The following GRID2 variants were observed in gnomAD, a reference collection of about 807,000 sequenced individuals.
The protein encoded by GRID2 is glutamate receptor ionotropic, delta-2.
GRID2 carries 33 observed loss-of-function variants against 114.8 expected under a neutral mutation model. The ratio of observed to expected loss-of-function variants is 0.29; its 90% CI spans 0.22 to 0.38. GRID2 has a LOEUF of 0.38. GRID2 is among the 10% of genes least tolerant of loss of function. GRID2 has a pLI of 1.00. For missense variants in GRID2, 1,184 were observed against 1,257.7 expected, an observed-to-expected ratio of 0.94 and a Z score of 0.89; for synonymous variants, 505 against 449.9, an observed-to-expected ratio of 1.12 and a Z score of -1.55.
At chr4:92,574,333 A>T (rs1240006745) in intron 1 of GRID2, among the ~76,000 whole-genome samples, 1 of 151,394 alleles carries the variant, frequency 6.6e-6, no homozygotes, top group African/African-American at 2.4e-5. Flanking sequence ...TGATCCTGTC[A>T]TCATGATGGT....
chr4:92,749,741 A>G (rs900697175), intron 2 of GRID2, among the ~76,000 whole-genome samples: 2 of 152,106 alleles, frequency 1.3e-5, no homozygotes, highest in Non-Finnish European at 2.9e-5. Context: ...AATGCTGAAG[A>G]GGGGTTGTTT....
At chr4:93,079,128 A>C (rs745689109) in intron 2 of GRID2, among the ~76,000 whole-genome samples, 1 of 151,524 alleles carries the variant, frequency 6.6e-6, no homozygotes, top group Non-Finnish European at 1.5e-5. Flanking sequence ...CATTTTTTAA[A>C]CTCCAAACAA....
At chr4:93,308,974 A>G (rs769844442) in intron 8 of GRID2, among the ~76,000 whole-genome samples, 2 of 152,210 alleles carry the variant, frequency 1.3e-5, no homozygotes, top group Non-Finnish European at 2.9e-5. Context: ...CAACAGCCAC[A>G]CTATCTAAAA....
At chr4:93,393,107 T>C (rs557197516) in intron 8 of GRID2, among the ~76,000 whole-genome samples, 2 of 152,038 alleles carry the variant, frequency 1.3e-5, no homozygotes, top group African/African-American at 4.8e-5. Flanking sequence ...GATAAGAGAA[T>C]GTACTTTATT....
At chr4:93,473,467 C>T (rs1221253490) in intron 11 of GRID2, among the ~76,000 whole-genome samples, 1 of 152,082 alleles carries the variant, frequency 6.6e-6, no homozygotes, top group Non-Finnish European at 1.5e-5. Flanking sequence ...CTTTACATTA[C>T]TGTGTCCCAC....
chr4:92,771,924 T>C (rs1459921705), intron 2 of GRID2, among the ~76,000 whole-genome samples: 1 of 152,074 alleles, frequency 6.6e-6, no homozygotes, highest in East Asian at 1.9e-4. Context: ...ACCACAAGGA[T>C]CAGGAAAATA....
chr4:93,115,858 C>T (rs946557192), intron 4 of GRID2, among the ~76,000 whole-genome samples: 1 of 152,082 alleles, frequency 6.6e-6, no homozygotes, highest in Non-Finnish European at 1.5e-5. Flanking sequence ...CCCCCAGGTC[C>T]CTCCTACAAC....
chr4:92,406,074 T>C (rs954050223), intron 1 of GRID2, among the ~76,000 whole-genome samples: 45 of 152,082 alleles, frequency 3.0e-4, no homozygotes, highest in African/African-American at 1.1e-3. Context: ...TTCACATTTT[T>C]CTTCCTGTTT....
At chr4:92,494,286 A>T (rs1044274534) in intron 1 of GRID2, among the ~76,000 whole-genome samples, 3 of 151,950 alleles carry the variant, frequency 2.0e-5, no homozygotes, top group African/African-American at 7.2e-5. Context: ...TCCTTTTTAT[A>T]AATTCCTAGA....
At chr4:93,763,827 C>T (rs1733411765) in intron 14 of GRID2, among the ~76,000 whole-genome samples, 1 of 152,076 alleles carries the variant, frequency 6.6e-6, no homozygotes, top group African/African-American at 2.4e-5. Flanking sequence ...TTCTAATTTC[C>T]TAGTAGAAAT....
intron 2 of GRID2, among the ~76,000 whole-genome samples, chr4:92,593,820 T>C (rs1728820068): frequency 2.0e-5 from 3 of 151,394 alleles, no homozygotes; most frequent in Non-Finnish European, 4.4e-5. Context: ...GGCAAATACA[T>C]TTTCAAACCT....
At position 92,724,648 on chromosome 4, in the gene GRID2, C is replaced by T. The variant is rs1312110403; in HGVS notation, c.244+134362C>T. On this transcript the variant is annotated intron_variant, in intron 2 of 15. Transcript: ENST00000282020. ...AGCACAAATGTGGTGTCTACTTCTA[C>T]CACTATTAACTGTAACACCTTGAAC... Among the ~76,000 whole-genome samples, 5 of 152,172 alleles carry T rather than the reference C, an allele frequency of 3.3e-5. No individual in the cohort carries two copies. The East Asian group carries it at 9.7e-4, about 29-fold the overall frequency.
intron 4 of GRID2, among the ~76,000 whole-genome samples, chr4:93,177,971 T>C (rs1050850750): frequency 1.3e-5 from 2 of 152,118 alleles, no homozygotes; most frequent in Non-Finnish European, 1.5e-5. Context: ...TTTTTAAACA[T>C]TGATTTTTCA....
intron 2 of GRID2, among the ~76,000 whole-genome samples, chr4:92,617,072 CCTCT>C (rs1435077420): frequency 1.3e-5 from 2 of 151,164 alleles, no homozygotes; most frequent in South Asian, 2.1e-4. Context: ...CATTCAATAT[CCTCT>C]CTCTCGTTAT....
At chr4:93,763,605 T>C (rs1733392158) in intron 14 of GRID2, among the ~76,000 whole-genome samples, 1 of 152,172 alleles carries the variant, frequency 6.6e-6, no homozygotes, top group African/African-American at 2.4e-5. Flanking sequence ...GAGAGAAATG[T>C]GCTGGAAGGC....
At chr4:92,486,486 A>T (rs1722892996) in intron 1 of GRID2, among the ~76,000 whole-genome samples, 1 of 151,634 alleles carries the variant, frequency 6.6e-6, no homozygotes, top group African/African-American at 2.4e-5. Flanking sequence ...ATGTTTGCTG[A>T]AATTTACATT....
chr4:93,159,206 T>C (rs555273497), intron 4 of GRID2, among the ~76,000 whole-genome samples: 1 of 151,870 alleles, frequency 6.6e-6, no homozygotes, highest in Admixed American at 6.6e-5. Flanking sequence ...ATTGTACTTG[T>C]ACTGGTCAAA....
chr4:92,593,400 C>T (rs1050316671), intron 2 of GRID2, among the ~76,000 whole-genome samples: 1 of 151,870 alleles, frequency 6.6e-6, no homozygotes, highest in East Asian at 1.9e-4. Flanking sequence ...ACTGTTATCA[C>T]TTAATAAGAG....
At chr4:92,909,110 AC>A (rs1748177946) in intron 2 of GRID2, among the ~76,000 whole-genome samples, 1 of 152,128 alleles carries the variant, frequency 6.6e-6, no homozygotes, top group Non-Finnish European at 1.5e-5. Context: ...AGAGTGATAT[AC>A]CTTATCATAT....
Sources: gnomAD v4.1 joint callset for allele counts (sites outside exome capture counted in the v4.1 genomes callset) on GRCh38, gnomAD v4.1.1 for gene constraint, MANE v1.5 for transcripts, NCBI Gene and HGNC (gene_info 2026-07-23, HGNC 2026-07-21) for gene names.